The following SCHIP1 variants were observed in gnomAD, a reference collection of about 807,000 sequenced individuals.
SCHIP1 encodes schwannomin interacting protein 1.
SCHIP1 carries 8 observed loss-of-function variants against 29.7 expected under a neutral mutation model. The ratio of observed to expected loss-of-function variants is 0.27; its 90% CI spans 0.16 to 0.49. The LOEUF is 0.49. Ranked by LOEUF, SCHIP1 falls within the 20% of genes least tolerant of loss-of-function variation. SCHIP1 has a pLI of 0.99. For synonymous variants in SCHIP1, 76 were observed against 94.9 expected, an observed-to-expected ratio of 0.80 and a Z score of 1.16; for missense variants, 193 against 294.6, an observed-to-expected ratio of 0.66 and a Z score of 2.52.
At chr3:159,477,509 T>C in the SCHIP1 span, among the ~76,000 whole-genome samples, 1 of 152,202 alleles carries the variant, frequency 6.6e-6, no homozygotes, top group African/African-American at 2.4e-5. Flanking sequence ...TCCTAGTGGT[T>C]TTAATTTGCA....
At chr3:159,345,554 TTCTCTCTCTC>T in the SCHIP1 span, among the ~76,000 whole-genome samples, 11 of 93,444 alleles carry the variant, frequency 1.2e-4, no homozygotes, top group Admixed American at 5.8e-4. Flanking sequence ...GTGTCTCTCT[TTCTCTCTCTC>T]TCTCTCTCTC....
the SCHIP1 span, among the ~76,000 whole-genome samples, chr3:159,631,518 G>A: frequency 1.3e-5 from 2 of 152,094 alleles, no homozygotes; most frequent in East Asian, 1.9e-4. Flanking sequence ...TATGACACAC[G>A]CTACCCTGTC....
chr3:159,575,787 A>T, the SCHIP1 span, among the ~76,000 whole-genome samples: 1 of 152,100 alleles, frequency 6.6e-6, no homozygotes, highest in Admixed American at 6.6e-5. Context: ...AAAGTTGATC[A>T]GTAATTCTAC....
At chr3:159,602,834 C>A in the SCHIP1 span, among the ~76,000 whole-genome samples, 1 of 152,130 alleles carries the variant, frequency 6.6e-6, no homozygotes, top group East Asian at 1.9e-4. Flanking sequence ...ACACAGAAGA[C>A]TTCTGTGACC....
chr3:159,472,094 T>C, the SCHIP1 span, among the ~76,000 whole-genome samples: 1 of 152,184 alleles, frequency 6.6e-6, no homozygotes, highest in African/African-American at 2.4e-5. Context: ...ATGTTAACTC[T>C]TGTACTGGAT....
At chr3:159,336,558 A>C in the SCHIP1 span, among the ~76,000 whole-genome samples, 1 of 152,214 alleles carries the variant, frequency 6.6e-6, no homozygotes, top group African/African-American at 2.4e-5. Flanking sequence ...AGCTTTCTAC[A>C]TATGGCTAGC....
the SCHIP1 span, among the ~76,000 whole-genome samples, chr3:159,393,331 G>A: frequency 2.6e-5 from 4 of 152,136 alleles, no homozygotes; most frequent in African/African-American, 9.6e-5. Context: ...GATCCCATTT[G>A]TCAATTTTGG....
the SCHIP1 span, among the ~76,000 whole-genome samples, chr3:159,302,755 A>T: frequency 1.5e-4 from 23 of 152,340 alleles, no homozygotes; most frequent in African/African-American, 5.3e-4. Context: ...TTAGGAATGC[A>T]GAGTGATCCA....
the SCHIP1 span, among the ~76,000 whole-genome samples, chr3:159,465,019 A>G: frequency 6.6e-6 from 1 of 152,092 alleles, no homozygotes; most frequent in Non-Finnish European, 1.5e-5. Flanking sequence ...TTCCTGCATG[A>G]AAGCAGTCAC....
At chr3:159,792,007 C>T in the SCHIP1 span, among the ~76,000 whole-genome samples, 3 of 152,000 alleles carry the variant, frequency 2.0e-5, no homozygotes, top group African/African-American at 4.8e-5. Context: ...GGGGTATGAA[C>T]GTGTGTGCCC....
chr3:159,400,514 G>T, the SCHIP1 span, among the ~76,000 whole-genome samples: 1 of 152,146 alleles, frequency 6.6e-6, no homozygotes, highest in Non-Finnish European at 1.5e-5. Flanking sequence ...AAGGAGAAGA[G>T]TTAAATAGCT....
At chr3:159,334,505 G>A in the SCHIP1 span, among the ~76,000 whole-genome samples, 1 of 152,004 alleles carries the variant, frequency 6.6e-6, no homozygotes, top group Admixed American at 6.6e-5. Flanking sequence ...ATAGATTCAG[G>A]TAACCACCAC....
the SCHIP1 span, among the ~76,000 whole-genome samples, chr3:159,720,966 T>C: frequency 2.6e-5 from 4 of 152,352 alleles, no homozygotes; most frequent in Non-Finnish European, 5.9e-5. Context: ...ATAATTAAAT[T>C]CTAAAAGTGA....
the SCHIP1 span, among the ~76,000 whole-genome samples, chr3:159,533,526 T>C: frequency 6.6e-6 from 1 of 152,140 alleles, no homozygotes; most frequent in African/African-American, 2.4e-5. Flanking sequence ...ATTCTAGGTA[T>C]TAAGGGAAGC....
At chr3:159,414,990 G>T in the SCHIP1 span, among the ~76,000 whole-genome samples, 3 of 152,116 alleles carry the variant, frequency 2.0e-5, no homozygotes, top group Non-Finnish European at 4.4e-5. Flanking sequence ...CTGTTCTGCA[G>T]CCCAGGGGTC....
At chr3:159,359,073 G>A in the SCHIP1 span, among the ~76,000 whole-genome samples, 13 of 151,434 alleles carry the variant, frequency 8.6e-5, no homozygotes, top group African/African-American at 2.7e-4. Context: ...GACTACAGGC[G>A]CACACCACCA....
At chr3:159,603,168 A>G in the SCHIP1 span, among the ~76,000 whole-genome samples, 2 of 152,194 alleles carry the variant, frequency 1.3e-5, no homozygotes, top group Non-Finnish European at 2.9e-5. Context: ...GGGTATTACA[A>G]AAAAACACAA....
chr3:159,455,644 A>G, the SCHIP1 span, among the ~76,000 whole-genome samples: 1 of 152,262 alleles, frequency 6.6e-6, no homozygotes, highest in Non-Finnish European at 1.5e-5. Flanking sequence ...GTAACTTGTC[A>G]AGCTGACATG....
At chr3:159,358,288 C>A in the SCHIP1 span, among the ~76,000 whole-genome samples, 1 of 152,188 alleles carries the variant, frequency 6.6e-6, no homozygotes, top group African/African-American at 2.4e-5. Context: ...TCATTCCCAA[C>A]CCGAGGGGCT....
Sources: allele counts gnomAD v4.1 joint callset (sites outside exome capture counted in the v4.1 genomes callset), GRCh38; gene constraint gnomAD v4.1.1; transcripts MANE v1.5; gene names NCBI Gene and HGNC (gene_info 2026-07-23, HGNC 2026-07-21).